Variants in ATP5MG observed in about 807,000 individuals in gnomAD.
The protein encoded by ATP5MG is ATP synthase F(0) complex subunit g, mitochondrial.
ATP5MG carries 7 observed loss-of-function variants against 12.7 expected under a neutral mutation model. That is an observed-to-expected ratio of 0.55 (90% CI 0.31 to 1.04). ATP5MG has a LOEUF of 1.04. Ranked by LOEUF, ATP5MG falls within the 50% of genes least tolerant of loss-of-function variation. The probability of loss-of-function intolerance (pLI) is 0.05; values close to 1 mark genes in which losing one functional copy is unlikely to be tolerated. For synonymous variants in ATP5MG, 53 were observed against 48.2 expected (o/e 1.10, Z -0.41); for missense variants, 116 against 126.7 (o/e 0.92, Z 0.41).
At chr11:118,408,127 A>G (rs1555132440) in intron 2 of ATP5MG, among the ~76,000 whole-genome samples, 1 of 151,926 alleles carries the variant, frequency 6.6e-6, no homozygotes, top group Non-Finnish European at 1.5e-5. Context: ...GCGCCACTGC[A>G]CTCCAGCCTG....
rs1227870297 is a variant in ATP5MG, at chr11:118,409,778, TTA to T, written c.*683_*684del. ...ATACCCCAAAGATATTTAAACAAGG[TTA>T]TAATTTAGCATCTTCCCTGGATCTA... On this transcript the variant is annotated 3_prime_UTR_variant, in exon 3 of 3. Transcript: ENST00000300688. 2.0e-5 allele frequency: 3 copies of T among 152,198 alleles called. No individual in the cohort carries two copies. Among genetic ancestry groups the T allele is most frequent in the African/African-American group, 4.8e-5 (2 of 41,448 alleles). The allele number at this position is 152,198 out of a possible 1,614,324, so 9.4% of individuals were successfully genotyped here.
chr11:118,403,325 A>G (rs1948945344), intron 1 of ATP5MG, among the ~76,000 whole-genome samples: 1 of 151,356 alleles, frequency 6.6e-6, no homozygotes, highest in South Asian at 2.1e-4. Context: ...GTGAAACCCC[A>G]TCTCTACAAA....
chr11:118,401,757 G>A (rs782560095), intron 1 of ATP5MG, 40 bp downstream of exon 1: 2 of 1,603,188 alleles, frequency 1.2e-6, no homozygotes, highest in South Asian at 1.1e-5. Context: ...GCACACGGGC[G>A]GCAGGGAGGC....
chr11:118,404,408 T>A (rs182524892), intron 1 of ATP5MG, among the ~76,000 whole-genome samples: 1 of 152,324 alleles, frequency 6.6e-6, no homozygotes, highest in East Asian at 1.9e-4. Context: ...TCTCCTCTGG[T>A]CTGGGACAGT....
rs1480730026 is a variant in ATP5MG at position 118,401,776 on chromosome 11, G to T, written c.52+59G>T. 9 of 1,582,826 alleles carry T rather than the reference G, an allele frequency of 5.7e-6. No individual in the cohort carries two copies. The African/African-American group carries it at 1.1e-4, about 19-fold the overall frequency. On this transcript the variant is annotated intron_variant, in intron 1 of 2. Transcript: ENST00000300688. Reference sequence around the variant, plus strand: ...ACGGGCGGCAGGGAGGCCTGCGATGGCCTGAGAGGAAGAAGCGGGCTGCGA... The same window carrying T: ...ACGGGCGGCAGGGAGGCCTGCGATGTCCTGAGAGGAAGAAGCGGGCTGCGA...
chr11:118,407,715 G>GA (rs1200335386), intron 2 of ATP5MG, among the ~76,000 whole-genome samples: 11 of 151,550 alleles, frequency 7.3e-5, no homozygotes, highest in East Asian at 3.9e-4. Context: ...CCAAAAAAGT[G>GA]AAAAAAAATT....
In ATP5MG at chr11:118,409,641, T is replaced by A. The variant is rs1555132814; in HGVS notation, c.*543T>A. On this transcript the variant is annotated 3_prime_UTR_variant, in exon 3 of 3. Coordinates refer to ENST00000300688, the MANE Select transcript of ATP5MG (RefSeq NM_006476.5). ...CCCAAGAGAGAACAGGGTGGTATTC[T>A]AAGTATGTTTCTTTGTAACATCTTT... The A allele has an allele frequency of 6.6e-6, 1 of 152,234 alleles. No individual in the cohort carries two copies. The highest frequency in any genetic ancestry group is 1.5e-5 in the Non-Finnish European group (1 of 68,042). The allele number at this position is 152,234 out of a possible 1,614,324, so 9.4% of individuals were successfully genotyped here.
chr11:118,403,826 G>T (rs1948950991), intron 1 of ATP5MG: 2 of 151,396 alleles, frequency 1.3e-5, no homozygotes, highest in South Asian at 4.2e-4. Flanking sequence ...GAGAAAAAAG[G>T]ATTAGAGGCT....
intron 1 of ATP5MG, among the ~76,000 whole-genome samples, chr11:118,404,775 G>A (rs1481309723): frequency 2.0e-5 from 3 of 152,192 alleles, no homozygotes; most frequent in African/African-American, 2.4e-5. Flanking sequence ...TAAAGGCAAG[G>A]TGTGATTACA....
At chr11:118,404,916 T>G (rs1948959314) in intron 1 of ATP5MG, among the ~76,000 whole-genome samples, 1 of 152,228 alleles carries the variant, frequency 6.6e-6, no homozygotes, top group African/African-American at 2.4e-5. Flanking sequence ...ATTTCATACT[T>G]TCTGTATCAA....
intron 1 of ATP5MG, among the ~76,000 whole-genome samples, chr11:118,403,147 T>A (rs2134125220): frequency 6.6e-6 from 1 of 152,340 alleles, no homozygotes; most frequent in East Asian, 1.9e-4. Context: ...GAAAATCTTT[T>A]ACTTTACTAA....
intron 2 of ATP5MG, chr11:118,407,540 AT>A (rs1187251882): frequency 6.2e-6 from 1 of 161,616 alleles, no homozygotes; most frequent in Non-Finnish European, 1.4e-5. Flanking sequence ...GGGTTATTGA[AT>A]TGTGTGAAGA....
At chr11:118,403,558 G>T (rs1359065051) in intron 1 of ATP5MG, among the ~76,000 whole-genome samples, 2 of 151,742 alleles carry the variant, frequency 1.3e-5, no homozygotes, top group African/African-American at 4.8e-5. Flanking sequence ...CACTTTGGGA[G>T]GCCAAGGCAG....
chr11:118,404,947 T>C (rs1039415284), intron 1 of ATP5MG, among the ~76,000 whole-genome samples: 1 of 152,266 alleles, frequency 6.6e-6, no homozygotes, highest in Non-Finnish European at 1.5e-5. Flanking sequence ...ATTGCTCAAA[T>C]TATTTCAGCC....
intron 1 of ATP5MG, among the ~76,000 whole-genome samples, chr11:118,405,346 C>G (rs1555131922): frequency 6.6e-6 from 1 of 152,182 alleles, no homozygotes; most frequent in African/African-American, 2.4e-5. Flanking sequence ...GAGTCCAACT[C>G]TAACCCAGTA....
rs1026949162 is a variant in ATP5MG, at chr11:118,406,884, G to A, written c.53-53G>A. On this transcript the variant is annotated intron_variant, in intron 1 of 2. Transcript: ENST00000300688. ...TCCAGCCCACACATCTGCTTCTTTCGGTCTCTAGTGAGTTCATCCTGGTTT... is the reference window on the plus strand; with the variant it reads ...TCCAGCCCACACATCTGCTTCTTTCAGTCTCTAGTGAGTTCATCCTGGTTT... 1.9e-4 allele frequency: 290 copies of A among 1,543,372 alleles called. No individual in the cohort carries two copies. The Middle Eastern group carries it at 2.5e-3, about 14-fold the overall frequency.
At chr11:118,405,550 T>G in intron 1 of ATP5MG, 3 of 650,926 alleles carry the variant, frequency 4.6e-6, no homozygotes, top group Non-Finnish European at 5.7e-6. Flanking sequence ...TACAGTATAC[T>G]GATTCATTTT....
chr11:118,404,537 A>G (rs1948956468), intron 1 of ATP5MG, among the ~76,000 whole-genome samples: 1 of 152,040 alleles, frequency 6.6e-6, no homozygotes, highest in Non-Finnish European at 1.5e-5. Flanking sequence ...AATTTCCTCA[A>G]TCTGGATTTG....
rs143538245 is a variant in ATP5MG, at chr11:118,403,134, C to T, written c.52+1417C>T. On this transcript the variant is annotated intron_variant, in intron 1 of 2. Transcript: ENST00000300688. ...TTTCCCAAATAATTTCATAAGCTTG[C>T]AAGAAAATCTTTTACTTTACTAAGA... 9.8e-3 allele frequency among the ~76,000 whole-genome samples: 1,496 copies of T among 152,292 alleles called. 33 individuals carry two copies. The highest frequency in any genetic ancestry group is 0.034 in the African/African-American group (1,426 of 41,554).
Sources: gnomAD v4.1 joint callset for allele counts (sites outside exome capture counted in the v4.1 genomes callset) on GRCh38, gnomAD v4.1.1 for gene constraint, MANE v1.5 for transcripts, NCBI Gene and HGNC (gene_info 2026-07-23, HGNC 2026-07-21) for gene names.